KIZ: variants seen among roughly 807,000 people sequenced by gnomAD.
KIZ encodes the protein kizuna centrosomal protein.
In KIZ, 68 loss-of-function variants were observed where a neutral mutation model predicts 79.6. That is an observed-to-expected ratio of 0.85 (90% CI 0.70 to 1.05). The LOEUF is 1.05. Among genes scored for constraint, KIZ ranks in the 50% least tolerant of loss-of-function variants. The pLI, the probability that KIZ is intolerant of heterozygous loss-of-function variation, is 0.00. For missense variants in KIZ, 797 were observed against 800.4 expected (o/e 1.00, Z 0.05); for synonymous variants, 280 against 281.8 (o/e 0.99, Z 0.06).
intron 6 of KIZ, among the ~76,000 whole-genome samples, chr20:21,166,033 C>G (rs1221267803): frequency 6.6e-6 from 1 of 152,128 alleles, no homozygotes; most frequent in Non-Finnish European, 1.5e-5. Flanking sequence ...ATGGCGCAAC[C>G]TCGGCTCACT....
At chr20:21,209,543 A>G (rs866758607) in intron 7 of KIZ, among the ~76,000 whole-genome samples, 26 of 86,106 alleles carry the variant, frequency 3.0e-4, no homozygotes, top group African/African-American at 1.1e-3. Context: ...TCTCCTGAAT[A>G]CTCATTTGCT....
At chr20:21,235,164 AAT>A (rs1023383497) in intron 11 of KIZ, among the ~76,000 whole-genome samples, 10 of 152,264 alleles carry the variant, frequency 6.6e-5, no homozygotes, top group African/African-American at 2.2e-4. Context: ...GTTACAGATT[AAT>A]ACACACAAGC....
chr20:21,245,765 A>G (rs2037368549), intron 12 of KIZ: 1 of 152,210 alleles, frequency 6.6e-6, no homozygotes, highest in African/African-American at 2.4e-5. Flanking sequence ...AGTACCAGGG[A>G]GTTGATGCCC....
At chr20:21,214,421 T>C in intron 7 of KIZ, 114 bp from the exon 8 acceptor site, 1 of 698,528 alleles carries the variant, frequency 1.4e-6, no homozygotes, top group Non-Finnish European at 2.3e-6. Context: ...GGAAACAGAT[T>C]AAATCCTAAG....
intron 6 of KIZ, among the ~76,000 whole-genome samples, chr20:21,172,381 T>C (rs574625000): frequency 6.6e-6 from 1 of 152,234 alleles, no homozygotes; most frequent in South Asian, 2.1e-4. Context: ...GGCGAATGGA[T>C]TGTTTGCGCT....
intron 6 of KIZ, among the ~76,000 whole-genome samples, chr20:21,189,611 A>G (rs2035029166): frequency 6.6e-6 from 1 of 152,264 alleles, no homozygotes; most frequent in Non-Finnish European, 1.5e-5. Context: ...AGGTCTATTC[A>G]GAGGCCAAAG....
At position 21,229,079 on chromosome 20, in the gene KIZ, T is replaced by C; in HGVS notation, c.1747T>C (p.Phe583Leu). ...TAATACAAATCAAACTGAAAACAGGTTTCAAAAGACAGATGCTTCTGTGTC... is the reference window on the plus strand; with the variant it reads ...TAATACAAATCAAACTGAAAACAGGCTTCAAAAGACAGATGCTTCTGTGTC... Reference protein sequence around the residue: ...QDNTNQTENRFQKTDASVSHL... With the variant: ...QDNTNQTENRLQKTDASVSHL... Residue 583 changes from phenylalanine to leucine, a missense_variant, in exon 10 of 13, where the codon TTT becomes CTT. Physicochemically the swap from Phe to Leu is conservative, Grantham distance 22 (BLOSUM62 0). Transcript: ENST00000619189. 6.2e-7 allele frequency: 1 copy of C among 1,611,854 alleles called. No homozygotes were observed. Among genetic ancestry groups the C allele is most frequent in the East Asian group, 2.2e-5 (1 of 44,858 alleles).
intron 6 of KIZ, among the ~76,000 whole-genome samples, chr20:21,193,548 A>T (rs1028656344): frequency 6.6e-6 from 1 of 152,090 alleles, no homozygotes; most frequent in African/African-American, 2.4e-5. Context: ...ATAAAGACAC[A>T]TGGACACCTA....
intron 6 of KIZ, chr20:21,198,744 T>C (rs2035464005): frequency 6.6e-6 from 1 of 152,650 alleles, no homozygotes; most frequent in African/African-American, 2.4e-5. Flanking sequence ...GCGTCTGTAC[T>C]AGTAATCTTG....
chr20:21,177,661 A>G (rs11906883), intron 6 of KIZ, among the ~76,000 whole-genome samples: 3,664 of 152,134 alleles, frequency 0.024, 151 homozygotes, highest in African/African-American at 0.084. Context: ...GCCAAGGCCA[A>G]TGTTATGAAG....
chr20:21,139,753 T>G (rs949777280), intron 3 of KIZ, among the ~76,000 whole-genome samples: 3 of 152,174 alleles, frequency 2.0e-5, no homozygotes, highest in Middle Eastern at 3.2e-3. Flanking sequence ...ATGAGCTGCT[T>G]AAGACTATCA....
Position 21,206,370 on chromosome 20 carries a change from C to CA in KIZ, c.1446+788dup, listed in dbSNP as rs572426109. On this transcript the variant is annotated intron_variant, in intron 7 of 12. Coordinates refer to ENST00000619189, the MANE Select transcript of KIZ (RefSeq NM_018474.6). ...GGGCTTTCAGGAAAGAGAGCCAAGC[C>CA]AAGACTCCTGGAGAAGCAAGGAAGG... Among the ~76,000 whole-genome samples, 55 of 152,170 alleles carry CA rather than the reference C, an allele frequency of 3.6e-4. No homozygotes were observed. The South Asian group carries it at 9.8e-3, about 27-fold the overall frequency.
intron 9 of KIZ, among the ~76,000 whole-genome samples, chr20:21,226,614 C>T (rs2036663983): frequency 6.6e-6 from 1 of 152,200 alleles, no homozygotes; most frequent in African/African-American, 2.4e-5. Context: ...TGCCCTCTCC[C>T]GCAACTTTGA....
chr20:21,228,871 C>T, intron 9 of KIZ, 140 bp from the exon 10 acceptor site: 1 of 558,252 alleles, frequency 1.8e-6, no homozygotes. Context: ...TGTTTGTTTT[C>T]AGAATGTCTA....
intron 4 of KIZ, among the ~76,000 whole-genome samples, chr20:21,161,315 C>A (rs893971338): frequency 6.6e-6 from 1 of 152,120 alleles, no homozygotes; most frequent in Non-Finnish European, 1.5e-5. Flanking sequence ...CTTTTCAAAG[C>A]ATGTATTTCT....
chr20:21,197,487 A>G (rs932922077), intron 6 of KIZ: 3 of 152,212 alleles, frequency 2.0e-5, no homozygotes, highest in Non-Finnish European at 2.9e-5. Context: ...TAACTTTGTT[A>G]TGATTGACAA....
intron 6 of KIZ, among the ~76,000 whole-genome samples, chr20:21,186,118 ATTGT>A (rs2034868211): frequency 6.6e-6 from 1 of 152,158 alleles, no homozygotes; most frequent in African/African-American, 2.4e-5. Flanking sequence ...ACATATATTT[ATTGT>A]TTACTAGTAA....
chr20:21,203,920 A>C (rs1307814323), intron 6 of KIZ, among the ~76,000 whole-genome samples: 1 of 152,044 alleles, frequency 6.6e-6, no homozygotes, highest in Non-Finnish European at 1.5e-5. Flanking sequence ...CAAAATGGAA[A>C]ATCTATACCC....
intron 3 of KIZ, among the ~76,000 whole-genome samples, chr20:21,141,557 A>C (rs962069290): frequency 1.2e-4 from 19 of 152,092 alleles, no homozygotes; most frequent in Admixed American, 3.9e-4. Flanking sequence ...GAGTGCCCAG[A>C]AAGGTCCTAG....
Sources: gnomAD v4.1 joint callset for allele counts (sites outside exome capture counted in the v4.1 genomes callset) on GRCh38, gnomAD v4.1.1 for gene constraint, MANE v1.5 for transcripts, NCBI Gene and HGNC (gene_info 2026-07-23, HGNC 2026-07-21) for gene names.